The following ERBB4 variants were observed in gnomAD, a reference collection of about 807,000 sequenced individuals.
The protein encoded by ERBB4 is receptor tyrosine-protein kinase erbB-4.
In ERBB4, 42 loss-of-function variants were observed where a neutral mutation model predicts 158.0. The ratio of observed to expected loss-of-function variants is 0.27; its 90% confidence interval spans 0.21 to 0.34. The LOEUF is 0.34. ERBB4 is among the 10% of genes least tolerant of loss of function. The pLI is 1.00. For synonymous variants in ERBB4, 583 were observed against 558.7 expected (o/e 1.04, Z -0.61); for missense variants, 1,333 against 1,624.1 (o/e 0.82, Z 3.08).
rs565125955 is a variant in ERBB4, at chr2:211,799,310, C to G, written c.422-11151G>C. Reference sequence around the variant, plus strand: ...TAAGAGAATAGCCTCCATTATAGCTCTGTAATGTGTATTACCATGTCTTCT... The same window carrying G: ...TAAGAGAATAGCCTCCATTATAGCTGTGTAATGTGTATTACCATGTCTTCT... On this transcript the variant is annotated intron_variant, in intron 3 of 27. Transcript: ENST00000342788. Among the ~76,000 whole-genome samples, 7 of 152,306 alleles carry G rather than the reference C, an allele frequency of 4.6e-5. No homozygotes were observed. The South Asian group carries it at 1.2e-3, about 27-fold the overall frequency.
At chr2:211,406,762 A>C (rs746516593) in intron 25 of ERBB4, among the ~76,000 whole-genome samples, 23 of 152,126 alleles carry the variant, frequency 1.5e-4, no homozygotes, top group Non-Finnish European at 2.9e-4. Context: ...TAAATACTAA[A>C]ATAGTAGAAA....
At chr2:212,235,363 GT>G (rs2083826012) in intron 1 of ERBB4, among the ~76,000 whole-genome samples, 6 of 152,112 alleles carry the variant, frequency 3.9e-5, no homozygotes, top group African/African-American at 7.2e-5. Flanking sequence ...GTACCATGCT[GT>G]TTTGGTTACT....
intron 4 of ERBB4, among the ~76,000 whole-genome samples, chr2:211,758,763 C>A (rs2075341325): frequency 6.6e-6 from 1 of 152,180 alleles, no homozygotes; most frequent in African/African-American, 2.4e-5. Context: ...TACATGATAA[C>A]CCTTGGAGGT....
chr2:211,824,738 G>A (rs1344037666), intron 3 of ERBB4, among the ~76,000 whole-genome samples: 1 of 151,798 alleles, frequency 6.6e-6, no homozygotes, highest in East Asian at 1.9e-4. Context: ...TAAAAAGACC[G>A]AAAATAATTA....
chr2:211,657,550 C>A, intron 16 of ERBB4: 1 of 575,326 alleles, frequency 1.7e-6, no homozygotes. Flanking sequence ...CTAACTGGGA[C>A]TCTTGTATCA....
rs141775580 is a variant in ERBB4 at position 211,988,488 on chromosome 2, C to T, written c.235-40872G>A. ...CTTACTGATAACATATAAGCAATTT[C>T]TTTCCATTTGTGACAGTTATTTTGA... is the stretch of plus-strand genomic sequence containing the variant. On this transcript the variant is annotated intron_variant, in intron 2 of 27. Coordinates refer to ENST00000342788, the MANE Select transcript of ERBB4 (RefSeq NM_005235.3). Among the ~76,000 whole-genome samples the T allele has an allele frequency of 1.3e-4, 20 of 152,188 alleles. No individual in the cohort carries two copies. The East Asian group carries it at 3.3e-3, about 25-fold the overall frequency.
intron 19 of ERBB4, among the ~76,000 whole-genome samples, chr2:211,574,296 T>C (rs2067827211): frequency 6.6e-6 from 1 of 152,202 alleles, no homozygotes; most frequent in South Asian, 2.1e-4. Flanking sequence ...GAGCTAGCAG[T>C]ATCTCTTCCC....
chr2:211,916,396 T>G lies in ERBB4; in HGVS notation c.421+31034A>C, dbSNP rs189797415. On this transcript the variant is annotated intron_variant, in intron 3 of 27. Transcript: ENST00000342788. ...GGTTTCACCATGTTGGCTAGGCTGG[T>G]CTCGAACTCCTGACCTCAGGTGATC... Among the ~76,000 whole-genome samples the G allele has an allele frequency of 2.3e-3, 353 of 152,182 alleles. 3 individuals carry two copies. Among genetic ancestry groups the G allele is most frequent in the Non-Finnish European group, 3.9e-3 (265 of 68,000 alleles).
At chr2:212,127,137 C>T (rs1164984524) in intron 1 of ERBB4, among the ~76,000 whole-genome samples, 1 of 152,094 alleles carries the variant, frequency 6.6e-6, no homozygotes, top group Non-Finnish European at 1.5e-5. Flanking sequence ...ATAGGGTCTT[C>T]CTAGATGTAA....
At chr2:211,926,481 T>C (rs1475749501) in intron 3 of ERBB4, among the ~76,000 whole-genome samples, 2 of 152,164 alleles carry the variant, frequency 1.3e-5, no homozygotes, top group African/African-American at 4.8e-5. Flanking sequence ...GATGGAATTT[T>C]ATAGACAGCA....
chr2:211,703,828 GA>G (rs2073340379), intron 11 of ERBB4, among the ~76,000 whole-genome samples: 2 of 152,152 alleles, frequency 1.3e-5, no homozygotes, highest in Non-Finnish European at 2.9e-5. Context: ...TGATAAAAAT[GA>G]AAGTTTCATT....
At chr2:212,210,646 G>A (rs1421199738) in intron 1 of ERBB4, among the ~76,000 whole-genome samples, 1 of 151,978 alleles carries the variant, frequency 6.6e-6, no homozygotes, top group Non-Finnish European at 1.5e-5. Flanking sequence ...GTGAAATTTT[G>A]GTGTCATTTT....
rs568524965 is a variant in ERBB4, at chr2:211,608,045, T to A, written c.2301+11132A>T. Among the ~76,000 whole-genome samples, 485 of 151,734 alleles carry A rather than the reference T, an allele frequency of 3.2e-3. 2 individuals are homozygous for A. The highest frequency in any genetic ancestry group is 5.4e-3 in the East Asian group (28 of 5,146). On this transcript the variant is annotated intron_variant, in intron 19 of 27. Coordinates refer to ENST00000342788, the MANE Select transcript of ERBB4 (RefSeq NM_005235.3). Reference sequence around the variant, plus strand: ...TCAGGCTCCAGAATCTTTTTTTTTTTAAATAAATTCAGAGGATTTGTGTGT... The same window carrying A: ...TCAGGCTCCAGAATCTTTTTTTTTTAAAATAAATTCAGAGGATTTGTGTGT...
intron 4 of ERBB4, among the ~76,000 whole-genome samples, chr2:211,772,628 A>G (rs2075720423): frequency 6.6e-6 from 1 of 150,556 alleles, no homozygotes; most frequent in South Asian, 2.1e-4. Context: ...TAATAACAAA[A>G]TTATGTTGAT....
At position 212,406,618 on chromosome 2, in the gene ERBB4, G is replaced by A. The variant is rs375051078; in HGVS notation, c.82+131831C>T. Among the ~76,000 whole-genome samples the A allele has an allele frequency of 9.7e-4, 147 of 152,156 alleles. 3 individuals carry two copies. In the South Asian group the frequency reaches 0.027, roughly 28 times the overall value. On this transcript the variant is annotated intron_variant, in intron 1 of 27. Transcript: ENST00000342788. ...CCAGACTGAATGAAGAGTAAAGGAC[G>A]GGTACATTAATGAAACATTCGCCTT...
intron 1 of ERBB4, among the ~76,000 whole-genome samples, chr2:212,191,540 C>CACGTGTTAT (rs2082199544): frequency 7.2e-5 from 6 of 82,824 alleles, no homozygotes; most frequent in South Asian, 9.6e-4. Flanking sequence ...TTATATATAA[C>CACGTGTTAT]ACATGTGTTA....
intron 3 of ERBB4, among the ~76,000 whole-genome samples, chr2:211,821,079 A>G (rs2076985893): frequency 6.6e-6 from 1 of 151,978 alleles, no homozygotes; most frequent in African/African-American, 2.4e-5. Context: ...AATAAAGGAC[A>G]TCCAAACTGG....
chr2:212,142,712 A>G (rs973303168), intron 1 of ERBB4, among the ~76,000 whole-genome samples: 24 of 151,410 alleles, frequency 1.6e-4, no homozygotes, highest in African/African-American at 5.8e-4. Context: ...AGAGACAGAA[A>G]TGGAATGAGA....
At chr2:211,455,222 CA>C (rs2064351285) in intron 20 of ERBB4, among the ~76,000 whole-genome samples, 1 of 152,192 alleles carries the variant, frequency 6.6e-6, no homozygotes, top group Non-Finnish European at 1.5e-5. Flanking sequence ...GTGTGAAACA[CA>C]AAATTTAGCA....
Sources: gnomAD v4.1 joint callset for allele counts (sites outside exome capture counted in the v4.1 genomes callset) on GRCh38, gnomAD v4.1.1 for gene constraint, MANE v1.5 for transcripts, NCBI Gene and HGNC (gene_info 2026-07-23, HGNC 2026-07-21) for gene names.